The following LGALS2 variants were observed in gnomAD, a reference collection of about 807,000 sequenced individuals.
The protein encoded by LGALS2 is galectin 2, also known as galectin-2.
A neutral mutation model predicts 10.1 loss-of-function variants in LGALS2; 7 were observed. The ratio of observed to expected loss-of-function variants is 0.70; its 90% confidence interval spans 0.40 to 1.31. The LOEUF (loss-of-function observed/expected upper bound fraction) is 1.31, where lower values mean the gene tolerates loss of function less well. LGALS2 is among the 50% of genes most tolerant of loss of function. The probability of loss-of-function intolerance (pLI) is 0.01; values close to 1 mark genes in which losing one functional copy is unlikely to be tolerated. For synonymous variants in LGALS2, 86 were observed against 64.2 expected (o/e 1.34, Z -1.63); for missense variants, 167 against 163.6 (o/e 1.02, Z -0.11).
In LGALS2 at chr22:37,570,694, A is replaced by C. The variant is rs770750407; in HGVS notation, c.131T>G (p.Leu44Arg). 3 of 1,614,144 alleles carry C rather than the reference A, an allele frequency of 1.9e-6. No homozygotes were observed. The highest frequency in any genetic ancestry group is 3.3e-5 in the Admixed American group (2 of 60,008). The stretch of plus-strand genomic sequence containing the variant: ...TTCGCTGAAGCGAGGGTTGAAATGC[A>C]GGTTCAGCTTGTCTGTCCCCTGGCC... ...NLGQGTDKLN[L>R]HFNPRFSEST... The change falls in exon 3 of 4, where the codon CTG becomes CGG. Residue 44 changes from leucine (L) to arginine (R), a missense_variant. Leu to Arg is a moderately radical substitution (Grantham distance 102). Coordinates refer to ENST00000215886, the MANE Select transcript of LGALS2 (RefSeq NM_006498.3).
At chr22:37,571,563 G>T (rs1010147365) in intron 2 of LGALS2, among the ~76,000 whole-genome samples, 1 of 152,204 alleles carries the variant, frequency 6.6e-6, no homozygotes, top group African/African-American at 2.4e-5. Context: ...CACCTGCCCC[G>T]CAGGGGGCCA....
intron 1 of LGALS2, among the ~76,000 whole-genome samples, chr22:37,577,671 G>A (rs528311639): frequency 3.9e-5 from 6 of 152,158 alleles, no homozygotes; most frequent in Admixed American, 2.6e-4. Context: ...GAGCCACCCC[G>A]CCCAGCCTCA....
chr22:37,572,740 C>T (rs1310243358), intron 1 of LGALS2, among the ~76,000 whole-genome samples: 6 of 149,090 alleles, frequency 4.0e-5, no homozygotes, highest in Admixed American at 3.4e-4. Flanking sequence ...GCCCTCCAGC[C>T]TGGGCGACAG....
At chr22:37,572,769 A>AAATAATAAT (rs10633102) in intron 1 of LGALS2, among the ~76,000 whole-genome samples, 1,472 of 136,380 alleles carry the variant, frequency 0.011, 25 homozygotes, top group East Asian at 0.063. Flanking sequence ...TCCATCTCAA[A>AAATAATAAT]AATAATAATA....
chr22:37,573,050 GATCA>G, intron 1 of LGALS2, among the ~76,000 whole-genome samples: 1 of 151,408 alleles, frequency 6.6e-6, no homozygotes, highest in East Asian at 1.9e-4. Context: ...GAGGCAGCCA[GATCA>G]CCTGAGGTCA....
At chr22:37,577,507 ATCTG>A (rs1925722920) in intron 1 of LGALS2, among the ~76,000 whole-genome samples, 1 of 123,832 alleles carries the variant, frequency 8.1e-6, no homozygotes, top group Non-Finnish European at 1.8e-5. Context: ...CCACCACAAC[ATCTG>A]TCTAATTTTT....
chr22:37,574,105 AGATT>A (rs1925591488), intron 1 of LGALS2, among the ~76,000 whole-genome samples: 1 of 152,158 alleles, frequency 6.6e-6, no homozygotes, highest in South Asian at 2.1e-4. Flanking sequence ...CTTGTTGTTA[AGATT>A]CATCTGCTCC....
intron 2 of LGALS2, among the ~76,000 whole-genome samples, chr22:37,571,362 G>A (rs1022089090): frequency 1.3e-5 from 2 of 152,222 alleles, no homozygotes; most frequent in East Asian, 1.9e-4. Context: ...TTCTGCAGGC[G>A]AGAGAGCCTT....
intron 2 of LGALS2, 82 bp from the exon 3 acceptor site, chr22:37,570,817 C>T: frequency 4.7e-6 from 7 of 1,482,396 alleles, no homozygotes; most frequent in Non-Finnish European, 5.6e-6. Flanking sequence ...TGGTTGACCA[C>T]AAGCTGGAAG....
intron 1 of LGALS2, 33 bp downstream of exon 1, chr22:37,579,867 G>A (rs1380737139): frequency 3.7e-6 from 6 of 1,604,212 alleles, no homozygotes; most frequent in African/African-American, 2.7e-5. Context: ...GATGAACAGA[G>A]TGGGGCAGGC....
At position 37,571,897 on chromosome 22, in the gene LGALS2, G is replaced by A. The variant is rs116890216; in HGVS notation, c.41C>T (p.Pro14Leu). Residue 14 changes from proline (P) to leucine (L), a missense_variant, in exon 2 of 4, where the codon CCG becomes CTG. By Grantham distance (98) the Pro-to-Leu change is moderately conservative (BLOSUM62 -3). Coordinates refer to ENST00000215886, the MANE Select transcript of LGALS2 (RefSeq NM_006498.3). The part of the protein sequence containing the change: ...ELEVKNMDMK[P>L]GSTLKITGSI... Reference sequence around the variant, plus strand: ...GCCTGTGATCTTCAGGGTTGACCCCGGCTTCATGTCCATGTTCTTAACCTC... The same window carrying A: ...GCCTGTGATCTTCAGGGTTGACCCCAGCTTCATGTCCATGTTCTTAACCTC... The A allele has an allele frequency of 7.8e-5, 126 of 1,614,052 alleles. No homozygotes were observed. In the East Asian group the frequency reaches 9.4e-4, roughly 12 times the overall value.
intron 1 of LGALS2, among the ~76,000 whole-genome samples, chr22:37,577,507 A>G (rs981519886): frequency 2.4e-5 from 3 of 123,832 alleles, no homozygotes; most frequent in African/African-American, 8.0e-5. Flanking sequence ...CCACCACAAC[A>G]TCTGTCTAAT....
rs749053705 is a variant in LGALS2 at position 37,571,932 on chromosome 22, C to T, written c.7-1G>A. The T allele has an allele frequency of 2.5e-6, 4 of 1,613,374 alleles. No individual in the cohort carries two copies. In the African/African-American group the frequency reaches 5.3e-5, roughly 22 times the overall value. ...CCATGTTCTTAACCTCAAGTTCCCCCTGGGCCAACAGAGAAACATTCCACT... is the reference window on the plus strand; with the variant it reads ...CCATGTTCTTAACCTCAAGTTCCCCTTGGGCCAACAGAGAAACATTCCACT... On this transcript the variant is annotated splice_acceptor_variant, in intron 1 of 3. Transcript: ENST00000215886. LOFTEE classifies it high-confidence loss of function.
rs56410387 is a variant in LGALS2 at position 37,574,499 on chromosome 22, T to TAA, written c.7-2570_7-2569dup. The stretch of plus-strand genomic sequence containing the variant: ...CCAGGCGACAGAGCAAGACTCTGTC[T>TAA]AAAAAAAAAAAAAAAAAAAAACTCA... On this transcript the variant is annotated intron_variant, in intron 1 of 3. Coordinates refer to ENST00000215886, the MANE Select transcript of LGALS2 (RefSeq NM_006498.3). Among the ~76,000 whole-genome samples the TAA allele has an allele frequency of 1.1e-3, 133 of 119,942 alleles. 1 individual carries two copies. The highest frequency in any genetic ancestry group is 3.8e-3 in the African/African-American group (117 of 31,054). The allele number at this position is 119,942 out of a possible 152,430, so 78.7% of individuals were successfully genotyped here. A position where few individuals can be genotyped will look rare whatever the true frequency, so the allele number is the denominator to read the frequency against.
intron 1 of LGALS2, among the ~76,000 whole-genome samples, chr22:37,575,489 C>T (rs1925646480): frequency 6.6e-6 from 1 of 151,996 alleles, no homozygotes. Context: ...TTTTAAAGGT[C>T]TTGCTCTGTC....
rs887054170 is a variant in LGALS2 at position 37,575,138 on chromosome 22, G to A, written c.7-3207C>T. Reference sequence around the variant, plus strand: ...TGACCTCAAGTGATCCTCCCCTCTGGGCCTCCCAAAGTTCTGGGATTATAG... The same window carrying A: ...TGACCTCAAGTGATCCTCCCCTCTGAGCCTCCCAAAGTTCTGGGATTATAG... On this transcript the variant is annotated intron_variant, in intron 1 of 3. Coordinates refer to ENST00000215886, the MANE Select transcript of LGALS2 (RefSeq NM_006498.3). Among the ~76,000 whole-genome samples the A allele has an allele frequency of 2.6e-5, 4 of 151,682 alleles. 1 individual carries two copies. In the South Asian group the frequency reaches 8.3e-4, roughly 32 times the overall value.
chr22:37,576,942 C>T (rs1278073216), intron 1 of LGALS2, among the ~76,000 whole-genome samples: 1 of 143,024 alleles, frequency 7.0e-6, no homozygotes, highest in Non-Finnish European at 1.5e-5. Context: ...GTCAAAGGCG[C>T]AGAGAGAGAC....
rs573258383 is a variant in LGALS2 at position 37,570,836 on chromosome 22, C to G, written c.90-101G>C. The G allele has an allele frequency of 5.0e-5, 67 of 1,345,784 alleles. No homozygotes were observed. In the East Asian group the frequency reaches 1.6e-3, roughly 31 times the overall value. The allele number at this position is 1,345,784 out of a possible 1,614,324, so 83.4% of individuals were successfully genotyped here. ...TGACCACAAGCTGGAAGAATCAAAG[C>G]TTGTGTTAGTTGAGATCTGTGCCTT... On this transcript the variant is annotated intron_variant, in intron 2 of 3. Coordinates refer to ENST00000215886, the MANE Select transcript of LGALS2 (RefSeq NM_006498.3).
In LGALS2 at chr22:37,570,574, A is replaced by T; in HGVS notation, c.249+2T>A. 1 of 1,614,040 alleles carries T rather than the reference A, an allele frequency of 6.2e-7. No homozygotes were observed. Among genetic ancestry groups the T allele is most frequent in the Admixed American group, 1.7e-5 (1 of 60,016 alleles). ...CAGTGCCCTTTCCCCCTTTGACCTC[A>T]CCTTGACCTCTGACCCTGGGCTGAA... is the stretch of plus-strand genomic sequence containing the variant. On this transcript the variant is annotated splice_donor_variant, in intron 3 of 3. Coordinates refer to ENST00000215886, the MANE Select transcript of LGALS2 (RefSeq NM_006498.3). LOFTEE classifies it high-confidence loss of function.
Sources: gnomAD v4.1 joint callset for allele counts (sites outside exome capture counted in the v4.1 genomes callset) on GRCh38, gnomAD v4.1.1 for gene constraint, MANE v1.5 for transcripts, NCBI Gene and HGNC (gene_info 2026-07-23, HGNC 2026-07-21) for gene names.